The following LDLRAD4 variants were observed in gnomAD, a reference collection of about 807,000 sequenced individuals.
The protein encoded by LDLRAD4 is low density lipoprotein receptor class A domain containing 4, also known as low-density lipoprotein receptor class A domain-containing protein 4.
Under a neutral mutation model 17.0 loss-of-function variants are expected in LDLRAD4, and 5 were observed. The observed-to-expected ratio is 0.29, with a 90% CI of 0.15 to 0.62. The LOEUF (loss-of-function observed/expected upper bound fraction) is 0.62. LDLRAD4 is among the 20% of genes least tolerant of loss of function. The pLI is 0.84. For synonymous variants in LDLRAD4, 168 were observed against 171.8 expected (o/e 0.98, Z 0.17); for missense variants, 340 against 424.7 (o/e 0.80, Z 1.75).
At chr18:13,459,483 A>G (rs1455929699) in intron 3 of LDLRAD4, among the ~76,000 whole-genome samples, 1 of 151,802 alleles carries the variant, frequency 6.6e-6, no homozygotes, top group Non-Finnish European at 1.5e-5. Flanking sequence ...CCTGGATTCA[A>G]GCCATTCTCT....
chr18:13,455,152 A>G (rs1396617912), intron 3 of LDLRAD4, among the ~76,000 whole-genome samples: 1 of 152,142 alleles, frequency 6.6e-6, no homozygotes, highest in Non-Finnish European at 1.5e-5. Flanking sequence ...TGGCACCAGG[A>G]CCAGGGATGT....
chr18:13,303,181 T>C (rs892329424), intron 1 of LDLRAD4, among the ~76,000 whole-genome samples: 1 of 152,210 alleles, frequency 6.6e-6, no homozygotes, highest in African/African-American at 2.4e-5. Flanking sequence ...ATGTGGTGCC[T>C]AGACCCCGGC....
chr18:13,552,621 C>G (rs929448983), intron 3 of LDLRAD4, among the ~76,000 whole-genome samples: 1 of 152,196 alleles, frequency 6.6e-6, no homozygotes, highest in Non-Finnish European at 1.5e-5. Flanking sequence ...CACTTCCTAA[C>G]GACGGGGAGA....
intron 1 of LDLRAD4, among the ~76,000 whole-genome samples, chr18:13,313,678 G>A (rs1039505124): frequency 6.6e-5 from 10 of 152,172 alleles, no homozygotes; most frequent in East Asian, 1.9e-4. Context: ...GATGTACTGC[G>A]TTTAATTGTA....
At chr18:13,539,419 C>T (rs763635438) in intron 3 of LDLRAD4, among the ~76,000 whole-genome samples, 21 of 152,140 alleles carry the variant, frequency 1.4e-4, no homozygotes, top group East Asian at 1.3e-3. Flanking sequence ...AACCAGAGCA[C>T]GAAAAAGCTA....
chr18:13,308,223 G>A (rs1031991694), intron 1 of LDLRAD4, among the ~76,000 whole-genome samples: 4 of 151,910 alleles, frequency 2.6e-5, no homozygotes, highest in East Asian at 1.9e-4. Flanking sequence ...CCCACCCGCC[G>A]CCCCACACCT....
chr18:13,560,265 T>C (rs1364826482), intron 3 of LDLRAD4, among the ~76,000 whole-genome samples: 1 of 152,228 alleles, frequency 6.6e-6, no homozygotes, highest in Non-Finnish European at 1.5e-5. Flanking sequence ...GTGAGACTGC[T>C]GAAGGACGAA....
chr18:13,645,830 C>G lies in LDLRAD4; in HGVS notation c.*173C>G. On this transcript the variant is annotated 3_prime_UTR_variant, in exon 6 of 6. Transcript: ENST00000359446. The surrounding 1 kb of genome is among the most constrained non-coding windows in gnomAD (Gnocchi z 5.7). Reference sequence around the variant, plus strand: ...TTAGGGGAATTGCATGCAAACTAGACTGAAATGATACAAACTTCCATCTGG... The same window carrying G: ...TTAGGGGAATTGCATGCAAACTAGAGTGAAATGATACAAACTTCCATCTGG... 1 of 468,842 alleles carries G rather than the reference C, an allele frequency of 2.1e-6. No individual in the cohort carries two copies. Among genetic ancestry groups the G allele is most frequent in the Non-Finnish European group, 3.6e-6 (1 of 276,518 alleles). The allele number at this position is 468,842 out of a possible 1,614,324, so 29.0% of individuals were successfully genotyped here. A position where few individuals can be genotyped will look rare whatever the true frequency, so the allele number is the denominator to read the frequency against.
At chr18:13,445,183 A>G (rs2091301459) in intron 3 of LDLRAD4, among the ~76,000 whole-genome samples, 1 of 152,218 alleles carries the variant, frequency 6.6e-6, no homozygotes, top group Non-Finnish European at 1.5e-5. Flanking sequence ...TGCCAAGCAC[A>G]GAGGAAATGT....
chr18:13,352,929 C>T (rs1316158246), intron 1 of LDLRAD4, among the ~76,000 whole-genome samples: 1 of 152,078 alleles, frequency 6.6e-6, no homozygotes, highest in Non-Finnish European at 1.5e-5. Flanking sequence ...TTTTTCAGCT[C>T]TAGAATTTCT....
intron 1 of LDLRAD4, among the ~76,000 whole-genome samples, chr18:13,370,989 A>C (rs1225388764): frequency 6.6e-6 from 1 of 152,098 alleles, no homozygotes; most frequent in Non-Finnish European, 1.5e-5. Flanking sequence ...GTTTATAGGC[A>C]TGAGCCACCA....
intron 3 of LDLRAD4, among the ~76,000 whole-genome samples, chr18:13,467,638 C>G (rs890863460): frequency 5.9e-5 from 9 of 152,198 alleles, no homozygotes; most frequent in Admixed American, 2.0e-4. Context: ...TTTGCAAAAG[C>G]TGATCTTAAG....
chr18:13,584,588 G>C (rs1411038416), intron 3 of LDLRAD4, among the ~76,000 whole-genome samples: 1 of 152,136 alleles, frequency 6.6e-6, no homozygotes, highest in African/African-American at 2.4e-5. Context: ...AGGATGGCTC[G>C]GTGGAGGGAT....
intron 3 of LDLRAD4, among the ~76,000 whole-genome samples, chr18:13,557,202 C>T (rs745990764): frequency 6.6e-6 from 1 of 151,804 alleles, no homozygotes; most frequent in Non-Finnish European, 1.5e-5. Context: ...GGAGGCTGAG[C>T]CAGGAGGATC....
chr18:13,515,130 GGT>G (rs372624633), intron 3 of LDLRAD4: 29 of 152,308 alleles, frequency 1.9e-4, no homozygotes, highest in African/African-American at 7.0e-4. Flanking sequence ...AAATGTAAGC[GGT>G]GGAGCATATG....
intron 1 of LDLRAD4, among the ~76,000 whole-genome samples, chr18:13,375,136 T>G (rs536958779): frequency 6.6e-6 from 1 of 152,216 alleles, no homozygotes; most frequent in South Asian, 2.1e-4. Context: ...GCAGCCTCTG[T>G]GCTCACTGTA....
chr18:13,242,987 C>G (rs549433625), intron 1 of LDLRAD4, among the ~76,000 whole-genome samples: 3 of 152,338 alleles, frequency 2.0e-5, no homozygotes, highest in South Asian at 2.1e-4. Flanking sequence ...CCGGCCTGCT[C>G]TGCGCCTGGC....
In LDLRAD4 at chr18:13,339,212, C is replaced by CT. The variant is rs35423798; in HGVS notation, c.-382-48113dup. ...CTGTTATCCTTCTGTAGTATCACTA[C>CT]TTTTTTTTTTTTTTTTAAGACTGAG... On this transcript the variant is annotated intron_variant, in intron 1 of 5. Coordinates refer to ENST00000359446, the Ensembl canonical transcript of LDLRAD4. Among the ~76,000 whole-genome samples, 1,250 of 143,138 alleles carry CT rather than the reference C, an allele frequency of 8.7e-3. 14 individuals carry two copies. The highest frequency in any genetic ancestry group is 0.026 in the African/African-American group (1,027 of 39,016). The allele number at this position is 143,138 out of a possible 152,430, so 93.9% of individuals were successfully genotyped here.
intron 1 of LDLRAD4, among the ~76,000 whole-genome samples, chr18:13,313,411 T>C (rs1438094112): frequency 2.0e-5 from 3 of 152,178 alleles, no homozygotes; most frequent in African/African-American, 7.2e-5. Flanking sequence ...ACCTTGGCTG[T>C]GTAGACAAGG....
Sources: gnomAD v4.1 joint callset for allele counts (sites outside exome capture counted in the v4.1 genomes callset) on GRCh38, gnomAD v4.1.1 for gene constraint, Gnocchi (gnomAD v3.1) non-coding constraint, MANE v1.5 for transcripts, NCBI Gene and HGNC (gene_info 2026-07-23, HGNC 2026-07-21) for gene names.